Variants in PCGF5 observed in about 807,000 individuals in gnomAD.
The protein encoded by PCGF5 is polycomb group ring finger 5.
In PCGF5, 9 loss-of-function variants were observed where a neutral mutation model predicts 44.3. The ratio of observed to expected loss-of-function variants is 0.20; its 90% CI spans 0.12 to 0.35. The LOEUF is 0.35. PCGF5 is among the 10% of genes least tolerant of loss of function. The pLI, the probability that PCGF5 is intolerant of heterozygous loss-of-function variation, is 1.00. For synonymous variants in PCGF5, 95 were observed against 102.5 expected (o/e 0.93, Z 0.44); for missense variants, 146 against 305.3 (o/e 0.48, Z 3.89).
intron 8 of PCGF5, among the ~76,000 whole-genome samples, chr10:91,265,871 A>AG (rs1846039776): frequency 6.6e-6 from 1 of 152,356 alleles, no homozygotes; most frequent in African/African-American, 2.4e-5. Context: ...AGAAAAAATT[A>AG]CATTCTAACA....
At chr10:91,173,429 T>C (rs988429399) in intron 1 of PCGF5, among the ~76,000 whole-genome samples, 4 of 152,192 alleles carry the variant, frequency 2.6e-5, no homozygotes, top group Admixed American at 6.5e-5. Context: ...ATAACACATA[T>C]ACAGAAAAGT....
At chr10:91,169,313 G>C (rs971113756) in intron 1 of PCGF5, among the ~76,000 whole-genome samples, 1 of 152,118 alleles carries the variant, frequency 6.6e-6, no homozygotes, top group Non-Finnish European at 1.5e-5. Context: ...ATAAAAGATA[G>C]CCTGGTTGGA....
chr10:91,229,273 A>G (rs1293998247), intron 2 of PCGF5, among the ~76,000 whole-genome samples: 1 of 152,230 alleles, frequency 6.6e-6, no homozygotes. Context: ...CTAGAACTTA[A>G]CATTCTAATA....
chr10:91,198,419 C>T (rs1413550726), intron 1 of PCGF5, among the ~76,000 whole-genome samples: 3 of 152,270 alleles, frequency 2.0e-5, no homozygotes, highest in Middle Eastern at 3.4e-3. Flanking sequence ...TGGTCTTTAC[C>T]CAGATGCCAT....
At chr10:91,165,157 T>C (rs990714441) in intron 1 of PCGF5, among the ~76,000 whole-genome samples, 1 of 152,236 alleles carries the variant, frequency 6.6e-6, no homozygotes, top group African/African-American at 2.4e-5. Context: ...CTGGTTTTCT[T>C]TTGATTCATT....
At position 91,278,380 on chromosome 10, in the gene PCGF5, C is replaced by A; in HGVS notation, c.*64C>A. 7.1e-7 allele frequency: 1 copy of A among 1,409,416 alleles called. No homozygotes were observed. The highest frequency in any genetic ancestry group is 1.0e-6 in the Non-Finnish European group (1 of 994,126). The allele number at this position is 1,409,416 out of a possible 1,614,324, so 87.3% of individuals were successfully genotyped here. ...TATTTGTTTACTCGTCAACAGATTG[C>A]ACAGTTAACGGTGTGTGGACTAGAG... is the stretch of plus-strand genomic sequence containing the variant. On this transcript the variant is annotated 3_prime_UTR_variant, in exon 10 of 10. Coordinates refer to ENST00000336126, the MANE Select transcript of PCGF5 (RefSeq NM_032373.5).
rs185935861 is a variant in PCGF5, at chr10:91,231,529, G to A, written c.112+8546G>A. Among the ~76,000 whole-genome samples, 264 of 152,302 alleles carry A rather than the reference G, an allele frequency of 1.7e-3. 6 individuals are homozygous for A. Among genetic ancestry groups the A allele is most frequent in the Admixed American group, 0.015 (235 of 15,294 alleles). On this transcript the variant is annotated intron_variant, in intron 2 of 9. Coordinates refer to ENST00000336126, the MANE Select transcript of PCGF5 (RefSeq NM_032373.5). Reference sequence around the variant, plus strand: ...GGCAAGATTAAAGACTCTAAAGCAGGAGTGTGACTGAGTTGTTGAGAAATG... The same window carrying A: ...GGCAAGATTAAAGACTCTAAAGCAGAAGTGTGACTGAGTTGTTGAGAAATG...
intron 1 of PCGF5, among the ~76,000 whole-genome samples, chr10:91,198,609 C>G (rs1288733460): frequency 1.3e-5 from 2 of 152,228 alleles, no homozygotes; most frequent in Non-Finnish European, 1.5e-5. Context: ...CTGCAGAGTT[C>G]AAGCTTGTCT....
At chr10:91,157,373 A>G in the PCGF5 span, among the ~76,000 whole-genome samples, 4 of 152,186 alleles carry the variant, frequency 2.6e-5, no homozygotes, top group African/African-American at 9.6e-5. Flanking sequence ...CTCATATTTT[A>G]TTGATAGTCT....
intron 1 of PCGF5, among the ~76,000 whole-genome samples, chr10:91,176,812 C>A (rs955763692): frequency 6.6e-6 from 1 of 152,152 alleles, no homozygotes; most frequent in Admixed American, 6.5e-5. Flanking sequence ...TTCATCTAAT[C>A]TTTTCTCAAG....
intron 1 of PCGF5, among the ~76,000 whole-genome samples, chr10:91,164,250 G>A (rs1843454783): frequency 6.6e-6 from 1 of 152,246 alleles, no homozygotes; most frequent in South Asian, 2.1e-4. Flanking sequence ...ACTTGTGGGG[G>A]GGTCAGGGAC....
intron 3 of PCGF5, among the ~76,000 whole-genome samples, chr10:91,246,981 AG>A (rs1845481031): frequency 7.5e-6 from 1 of 133,444 alleles, no homozygotes; most frequent in Non-Finnish European, 1.7e-5. Flanking sequence ...ATAGATAGAT[AG>A]ATAGATAGAT....
In PCGF5 at chr10:91,257,165, C is replaced by G. The variant is rs1445639877; in HGVS notation, c.475-4161C>G. Reference sequence around the variant, plus strand: ...GCAAAAGGCTTGAATAAACATTCCTCTAAAGAAGTTATAAAAATGACCAAT... The same window carrying G: ...GCAAAAGGCTTGAATAAACATTCCTGTAAAGAAGTTATAAAAATGACCAAT... On this transcript the variant is annotated intron_variant, in intron 6 of 9. Transcript: ENST00000336126. Among the ~76,000 whole-genome samples the G allele has an allele frequency of 2.0e-5, 3 of 152,094 alleles. No individual in the cohort carries two copies. The East Asian group carries it at 5.8e-4, about 29-fold the overall frequency.
intron 2 of PCGF5, among the ~76,000 whole-genome samples, chr10:91,226,575 A>G (rs958584564): frequency 2.0e-5 from 3 of 152,180 alleles, no homozygotes; most frequent in Non-Finnish European, 4.4e-5. Flanking sequence ...TCAGATGACT[A>G]TGCAAGTGCA....
chr10:91,169,468 T>G (rs1843565463), intron 1 of PCGF5, among the ~76,000 whole-genome samples: 1 of 152,180 alleles, frequency 6.6e-6, no homozygotes. Context: ...TGAAAGTTCA[T>G]CACTTTTCTA....
At chr10:91,275,645 G>T (rs181691168) in intron 9 of PCGF5, among the ~76,000 whole-genome samples, 1 of 150,352 alleles carries the variant, frequency 6.7e-6, no homozygotes, top group Non-Finnish European at 1.5e-5. Flanking sequence ...AGTAGAGGCG[G>T]GGTTTCACCG....
At position 91,233,984 on chromosome 10, in the gene PCGF5, T is replaced by C. The variant is rs114619332; in HGVS notation, c.113-6500T>C. Reference sequence around the variant, plus strand: ...AGAAAAGATTATTATTGTTTTATCATCAGTGATAGCAGAATTAGCACTCAA... The same window carrying C: ...AGAAAAGATTATTATTGTTTTATCACCAGTGATAGCAGAATTAGCACTCAA... On this transcript the variant is annotated intron_variant, in intron 2 of 9. Coordinates refer to ENST00000336126, the MANE Select transcript of PCGF5 (RefSeq NM_032373.5). Among the ~76,000 whole-genome samples, 1,025 of 152,330 alleles carry C rather than the reference T, an allele frequency of 6.7e-3. 13 individuals are homozygous for C. The highest frequency in any genetic ancestry group is 0.023 in the African/African-American group (963 of 41,552).
At chr10:91,221,829 A>G (rs1448170783) in intron 1 of PCGF5, among the ~76,000 whole-genome samples, 2 of 152,338 alleles carry the variant, frequency 1.3e-5, no homozygotes, top group East Asian at 3.9e-4. Flanking sequence ...CAAAGAAGGT[A>G]AAGAATGAAC....
upstream of PCGF5, among the ~76,000 whole-genome samples, chr10:91,215,640 TGG>T (rs1844526872): frequency 6.6e-6 from 1 of 152,262 alleles, no homozygotes; most frequent in Non-Finnish European, 1.5e-5. Context: ...CTGCTGATAC[TGG>T]CCATGGTGAG....
Sources: allele counts gnomAD v4.1 joint callset (sites outside exome capture counted in the v4.1 genomes callset), GRCh38; gene constraint gnomAD v4.1.1; transcripts MANE v1.5; gene names NCBI Gene and HGNC (gene_info 2026-07-23, HGNC 2026-07-21).